TAMM41: variants seen among roughly 807,000 people sequenced by gnomAD.
The protein encoded by TAMM41 is TAM41 mitochondrial translocator assembly and maintenance homolog, also known as phosphatidate cytidylyltransferase, mitochondrial.
Under a neutral mutation model 44.1 loss-of-function variants are expected in TAMM41, and 36 were observed. That is an observed-to-expected ratio of 0.82 (90% CI 0.63 to 1.08). The LOEUF (loss-of-function observed/expected upper bound fraction) is 1.08, where lower values mean the gene tolerates loss of function less well. Among genes scored for constraint, TAMM41 ranks in the 50% least tolerant of loss-of-function variants. TAMM41 has a pLI of 0.00. For synonymous variants in TAMM41, 164 were observed against 153.1 expected, an observed-to-expected ratio of 1.07 and a Z score of -0.53; for missense variants, 417 against 404.3, an observed-to-expected ratio of 1.03 and a Z score of -0.27.
chr3:11,807,610 C>T (rs1245462373), intron 7 of TAMM41: 1 of 1,536,106 alleles, frequency 6.5e-7, no homozygotes, highest in Non-Finnish European at 8.7e-7. Flanking sequence ...TTCAGAAGGG[C>T]AGTAAAGCTT....
At chr3:11,776,324 A>AT in the TAMM41 span, among the ~76,000 whole-genome samples, 1 of 128,216 alleles carries the variant, frequency 7.8e-6, no homozygotes, top group Non-Finnish European at 1.9e-5. Context: ...GGCCATTTAA[A>AT]ATTTTTTTTT....
intron 4 of TAMM41, among the ~76,000 whole-genome samples, chr3:11,817,606 C>A (rs1312651816): frequency 1.3e-5 from 2 of 152,162 alleles, no homozygotes; most frequent in East Asian, 3.9e-4. Flanking sequence ...AAGCGAGTAG[C>A]TAACTTGTTT....
At chr3:11,786,309 TATTA>T (rs2077417663), downstream of TAMM41, among the ~76,000 whole-genome samples, 2 of 147,604 alleles carry the variant, frequency 1.4e-5, no homozygotes, top group African/African-American at 4.9e-5. Context: ...TTATTATTAT[TATTA>T]TTATTTTTTG....
At chr3:11,833,133 G>C (rs1559317045) in intron 3 of TAMM41, 2 of 1,285,326 alleles carry the variant, frequency 1.6e-6, no homozygotes, top group Admixed American at 4.6e-5. Context: ...GTGAACTCTT[G>C]GGACACTGCC....
chr3:11,765,704 T>A, the TAMM41 span, among the ~76,000 whole-genome samples: 13 of 33,536 alleles, frequency 3.9e-4, no homozygotes, highest in Non-Finnish European at 8.0e-4. Flanking sequence ...GGAGTCAAAA[T>A]TTTTTTTTTT....
rs1029594174 is a variant in TAMM41, at chr3:11,805,012, T to G, written c.937+2821A>C. 9.1e-3 allele frequency among the ~76,000 whole-genome samples: 1,284 copies of G among 141,732 alleles called. 22 individuals are homozygous for G. Among genetic ancestry groups the G allele is most frequent in the African/African-American group, 0.032 (1,222 of 38,770 alleles). 93.0% of individuals were successfully genotyped at this position (141,732 alleles called of 152,430 possible). Reference sequence around the variant, plus strand: ...CGCCCAGCCCTTTTTTTTTTTTTTTTTTTTTTTTTTTTGAGACGAAGTCTC... The same window carrying G: ...CGCCCAGCCCTTTTTTTTTTTTTTTGTTTTTTTTTTTTGAGACGAAGTCTC... On this transcript the variant is annotated intron_variant, in intron 7 of 7. Coordinates refer to ENST00000455809, the MANE Select transcript of TAMM41 (RefSeq NM_001284401.2).
intron 1 of TAMM41, 94 bp from the exon 2 acceptor site, chr3:11,844,305 A>T (rs1444532961): frequency 3.3e-6 from 4 of 1,207,062 alleles, no homozygotes; most frequent in Non-Finnish European, 3.4e-6. Flanking sequence ...CGCAATTATG[A>T]TCAATAGTCA....
At chr3:11,840,070 C>T (rs1158659275) in intron 2 of TAMM41, among the ~76,000 whole-genome samples, 2 of 152,040 alleles carry the variant, frequency 1.3e-5, no homozygotes, top group African/African-American at 4.8e-5. Context: ...GTTTTCCACA[C>T]CTGTATGATT....
At chr3:11,832,522 C>T (rs1326062795) in intron 3 of TAMM41, among the ~76,000 whole-genome samples, 1 of 152,098 alleles carries the variant, frequency 6.6e-6, no homozygotes, top group Non-Finnish European at 1.5e-5. Flanking sequence ...AAACCAATCC[C>T]CATGGACACC....
chr3:11,728,912 G>A, the TAMM41 span, among the ~76,000 whole-genome samples: 1 of 151,596 alleles, frequency 6.6e-6, no homozygotes, highest in Admixed American at 6.6e-5. Context: ...AGAGGCTGAG[G>A]CAGGAGAATC....
the TAMM41 span, among the ~76,000 whole-genome samples, chr3:11,742,644 T>C: frequency 6.7e-6 from 1 of 148,834 alleles, no homozygotes; most frequent in Non-Finnish European, 1.5e-5. Flanking sequence ...TGGAGGGCAG[T>C]GGCATGATCA....
intron 4 of TAMM41, among the ~76,000 whole-genome samples, chr3:11,827,940 T>A (rs1391585727): frequency 1.3e-5 from 2 of 152,128 alleles, no homozygotes; most frequent in Admixed American, 1.3e-4. Context: ...TCCTGCCCAC[T>A]CCCAGGAAAA....
chr3:11,824,357 A>ATTTTTTTTTTTTTTT (rs34155955), intron 4 of TAMM41, among the ~76,000 whole-genome samples: 1 of 105,134 alleles, frequency 9.5e-6, no homozygotes, highest in Non-Finnish European at 1.9e-5. Flanking sequence ...TGCCTGGCTA[A>ATTTTTTTTTTTTTTT]TTTTTTTTTT....
chr3:11,818,031 C>T (rs1287881712), intron 4 of TAMM41, among the ~76,000 whole-genome samples: 1 of 152,160 alleles, frequency 6.6e-6, no homozygotes, highest in Admixed American at 6.5e-5. Context: ...CAACCATCGG[C>T]AAGATGGAGG....
At chr3:11,809,809 A>C in intron 5 of TAMM41, 127 bp from the exon 6 acceptor site, 1 of 884,218 alleles carries the variant, frequency 1.1e-6, no homozygotes, top group Non-Finnish European at 1.7e-6. Context: ...GCGAGGCAGC[A>C]AGCTAAGGAA....
the TAMM41 span, among the ~76,000 whole-genome samples, chr3:11,726,821 A>AAAAAG: frequency 1.3e-5 from 2 of 151,164 alleles, no homozygotes; most frequent in Non-Finnish European, 2.9e-5. Context: ...AAAAAAAAGA[A>AAAAAG]AAAAGAAAAG....
the TAMM41 span, among the ~76,000 whole-genome samples, chr3:11,742,519 C>T: frequency 6.7e-6 from 1 of 149,932 alleles, no homozygotes; most frequent in East Asian, 1.9e-4. Context: ...TTTCCACTTG[C>T]TGGCTGCTGC....
At chr3:11,832,695 G>A (rs1265102519) in intron 3 of TAMM41, among the ~76,000 whole-genome samples, 10 of 152,178 alleles carry the variant, frequency 6.6e-5, no homozygotes, top group African/African-American at 4.8e-5. Context: ...TTCACCCAGT[G>A]CTCTTTCCAC....
the TAMM41 span, among the ~76,000 whole-genome samples, chr3:11,778,691 T>C: frequency 6.6e-6 from 1 of 152,134 alleles, no homozygotes; most frequent in Non-Finnish European, 1.5e-5. Context: ...TTAGCCTTCC[T>C]AGTGGGTGTG....
Sources: gnomAD v4.1 joint callset for allele counts (sites outside exome capture counted in the v4.1 genomes callset) on GRCh38, gnomAD v4.1.1 for gene constraint, MANE v1.5 for transcripts, NCBI Gene and HGNC (gene_info 2026-07-23, HGNC 2026-07-21) for gene names.